The following MRPL58 variants were observed in gnomAD, a reference collection of about 807,000 sequenced individuals.
The protein encoded by MRPL58 is large ribosomal subunit protein mL62.
MRPL58 carries 17 observed loss-of-function variants against 26.0 expected under a neutral mutation model. The observed-to-expected ratio is 0.65, with a 90% CI of 0.45 to 0.98. The LOEUF (loss-of-function observed/expected upper bound fraction) is 0.98, where lower values mean the gene tolerates loss of function less well. Among genes scored for constraint, MRPL58 ranks in the 50% least tolerant of loss-of-function variants. The pLI is 0.00. For synonymous variants in MRPL58, 100 were observed against 99.7 expected, an observed-to-expected ratio of 1.00 and a Z score of -0.02; for missense variants, 250 against 269.0, an observed-to-expected ratio of 0.93 and a Z score of 0.49.
In MRPL58 at chr17:75,014,500, G is replaced by C. The variant is rs1260821127; in HGVS notation, c.186+1628G>C. 3.5e-5 allele frequency among the ~76,000 whole-genome samples: 5 copies of C among 142,712 alleles called. No individual in the cohort carries two copies. In the East Asian group the frequency reaches 8.2e-4, roughly 23 times the overall value. 93.6% of individuals were successfully genotyped at this position (142,712 alleles called of 152,430 possible). A position where few individuals can be genotyped will look rare whatever the true frequency, so the allele number is the denominator to read the frequency against. On this transcript the variant is annotated intron_variant, in intron 1 of 5. Coordinates refer to ENST00000301585, the MANE Select transcript of MRPL58 (RefSeq NM_001545.3). ...ACTCTGTCATCCAGGCTGGAGTGCA[G>C]TGGCGTGATCTCAGCCCACTGCAAC... is the stretch of plus-strand genomic sequence containing the variant.
chr17:75,019,907 T>C (rs1468695351), intron 3 of MRPL58, 148 bp downstream of exon 3: 1 of 633,008 alleles, frequency 1.6e-6, no homozygotes, highest in Non-Finnish European at 2.7e-6. Flanking sequence ...CTTTATTCTT[T>C]TGAATGTGGT....
rs35929744 is a variant in MRPL58 at position 75,014,441 on chromosome 17, C to CTTT, written c.186+1587_186+1589dup. 2.8e-3 allele frequency among the ~76,000 whole-genome samples: 215 copies of CTTT among 76,216 alleles called. 7 individuals are homozygous for CTTT. In the East Asian group the frequency reaches 0.036, roughly 13 times the overall value. 50.0% of individuals were successfully genotyped at this position (76,216 alleles called of 152,430 possible). On this transcript the variant is annotated intron_variant, in intron 1 of 5. Coordinates refer to ENST00000301585, the MANE Select transcript of MRPL58 (RefSeq NM_001545.3). ...CACGGGCGTGAGCCACCGCGCCAGG[C>CTTT]TTTTTTTTTTTTTTTTTTTTGAGAC...
At chr17:75,015,200 T>C (rs1490562298) in intron 1 of MRPL58, among the ~76,000 whole-genome samples, 3 of 152,116 alleles carry the variant, frequency 2.0e-5, no homozygotes, top group African/African-American at 7.2e-5. Flanking sequence ...AACAGGCTAT[T>C]TTCTGGCCAG....
rs1411958453 is a variant in MRPL58 at position 75,014,178 on chromosome 17, CCTT to C, written c.186+1307_186+1309del. Among the ~76,000 whole-genome samples, 6 of 126,694 alleles carry C rather than the reference CCTT, an allele frequency of 4.7e-5. 1 individual carries two copies. Among genetic ancestry groups the C allele is most frequent in the East Asian group, 4.2e-4 (2 of 4,796 alleles). The allele number at this position is 126,694 out of a possible 152,430, so 83.1% of individuals were successfully genotyped here. The stretch of plus-strand genomic sequence containing the variant: ...ATAAAAGAGGAATTGAAGTCTGGGG[CCTT>C]TTTTTTTTTTTTTTTTTTTTTTGAG... On this transcript the variant is annotated intron_variant, in intron 1 of 5. Coordinates refer to ENST00000301585, the MANE Select transcript of MRPL58 (RefSeq NM_001545.3).
At position 75,021,195 on chromosome 17, in the gene MRPL58, C is replaced by T. The variant is rs1020988023; in HGVS notation, c.*190C>T. On this transcript the variant is annotated 3_prime_UTR_variant, in exon 6 of 6. Coordinates refer to ENST00000301585, the MANE Select transcript of MRPL58 (RefSeq NM_001545.3). ...CACTGGTTGCAGACGTCTTTATAGG[C>T]AGTCACCATGTTGTCAAACCTTAAT... 8 of 589,978 alleles carry T rather than the reference C, an allele frequency of 1.4e-5. No homozygotes were observed. Among genetic ancestry groups the T allele is most frequent in the South Asian group, 6.6e-5 (3 of 45,254 alleles). The allele number at this position is 589,978 out of a possible 1,614,324, so 36.5% of individuals were successfully genotyped here. A position where few individuals can be genotyped will look rare whatever the true frequency, so the allele number is the denominator to read the frequency against.
At chr17:75,018,992 T>C (rs2039995329) in intron 2 of MRPL58, among the ~76,000 whole-genome samples, 1 of 152,016 alleles carries the variant, frequency 6.6e-6, no homozygotes, top group Non-Finnish European at 1.5e-5. Flanking sequence ...CCGCCTGTAG[T>C]CTCAGCTACT....
At chr17:75,020,823 G>GT in intron 5 of MRPL58, 98 bp from the exon 6 acceptor site, 2 of 1,203,994 alleles carry the variant, frequency 1.7e-6, no homozygotes, top group Admixed American at 3.4e-5. Context: ...GCCTGCTGGT[G>GT]TAACTGCTCG....
chr17:75,019,788 C>A, intron 3 of MRPL58, 29 bp downstream of exon 3: 1 of 1,568,056 alleles, frequency 6.4e-7, no homozygotes, highest in Admixed American at 1.8e-5. Flanking sequence ...CTTTCTTTTG[C>A]TTTAAAATGT....
chr17:75,014,568 C>T (rs1248949042), intron 1 of MRPL58, among the ~76,000 whole-genome samples: 1 of 151,454 alleles, frequency 6.6e-6, no homozygotes, highest in African/African-American at 2.4e-5. Context: ...CTCAGCCTCC[C>T]GAGTAGCTGG....
chr17:75,018,560 C>G (rs1338799953), intron 2 of MRPL58: 1 of 152,064 alleles, frequency 6.6e-6, no homozygotes, highest in Non-Finnish European at 1.5e-5. Context: ...ATATCTGTAT[C>G]TATATTTATA....
At position 75,021,016 on chromosome 17, in the gene MRPL58, T is replaced by C. The variant is rs1439768692; in HGVS notation, c.*11T>C. On this transcript the variant is annotated 3_prime_UTR_variant, in exon 6 of 6. Coordinates refer to ENST00000301585, the MANE Select transcript of MRPL58 (RefSeq NM_001545.3). ...GTCGACATGGACTGAAATCACCCTC[T>C]GCAGCTGGGAGGGCTCTTCTGGGCG... The C allele has an allele frequency of 6.3e-7, 1 of 1,596,408 alleles. No homozygotes were observed. The highest frequency in any genetic ancestry group is 8.6e-7 in the Non-Finnish European group (1 of 1,163,772).
chr17:75,020,036 T>C (rs1469433054), intron 3 of MRPL58, among the ~76,000 whole-genome samples: 1 of 150,866 alleles, frequency 6.6e-6, no homozygotes, highest in Non-Finnish European at 1.5e-5. Context: ...TCTTTCATTC[T>C]GGTGCAACCC....
chr17:75,017,520 A>G (rs187541199), intron 2 of MRPL58, among the ~76,000 whole-genome samples: 89 of 152,314 alleles, frequency 5.8e-4, no homozygotes, highest in African/African-American at 2.0e-3. Context: ...AGGCCAAGGC[A>G]GCTGGATCAT....
intron 1 of MRPL58, among the ~76,000 whole-genome samples, chr17:75,016,572 A>G (rs569069351): frequency 2.3e-4 from 35 of 152,034 alleles, no homozygotes; most frequent in African/African-American, 6.3e-4. Context: ...GAGGAACAGC[A>G]AGAGAGAGAG....
chr17:75,020,262 C>T (rs750239574), intron 3 of MRPL58, 51 bp from the exon 4 acceptor site: 3 of 1,430,420 alleles, frequency 2.1e-6, no homozygotes, highest in South Asian at 1.1e-5. Context: ...AGGGGTTGAT[C>T]CTTCCTGGAA....
chr17:75,013,268 C>T (rs2039947552), intron 1 of MRPL58, among the ~76,000 whole-genome samples: 1 of 152,186 alleles, frequency 6.6e-6, no homozygotes, highest in African/African-American at 2.4e-5. Flanking sequence ...AACCCCAGGA[C>T]GCGCGAATAA....
intron 5 of MRPL58, 103 bp from the exon 6 acceptor site, chr17:75,020,818 C>A: frequency 1.7e-6 from 2 of 1,179,140 alleles, no homozygotes. Flanking sequence ...CTAGTGCCTG[C>A]TGGTGTAACT....
intron 1 of MRPL58, among the ~76,000 whole-genome samples, chr17:75,014,822 GTTCA>G (rs1004840130): frequency 3.3e-5 from 5 of 152,130 alleles, no homozygotes; most frequent in African/African-American, 1.2e-4. Flanking sequence ...GCATTCATTT[GTTCA>G]TTCATTCAAT....
At chr17:75,013,722 A>T (rs2039950811) in intron 1 of MRPL58, among the ~76,000 whole-genome samples, 1 of 152,216 alleles carries the variant, frequency 6.6e-6, no homozygotes, top group African/African-American at 2.4e-5. Flanking sequence ...ACAGCAAGTC[A>T]TGAGAATAGG....
Sources: gnomAD v4.1 joint callset for allele counts (sites outside exome capture counted in the v4.1 genomes callset) on GRCh38, gnomAD v4.1.1 for gene constraint, MANE v1.5 for transcripts, NCBI Gene and HGNC (gene_info 2026-07-23, HGNC 2026-07-21) for gene names.